The following SCTR variants were observed in gnomAD, a reference collection of about 807,000 sequenced individuals.
The protein encoded by SCTR is pancreatic secretin receptor.
In SCTR, 56 loss-of-function variants were observed where a neutral mutation model predicts 60.8. The observed-to-expected ratio is 0.92, with a 90% CI of 0.74 to 1.15. The LOEUF is 1.15. SCTR is among the 50% of genes most tolerant of loss of function. SCTR has a pLI of 0.00. For missense variants in SCTR, 562 were observed against 550.4 expected (o/e 1.02, Z -0.21); for synonymous variants, 202 against 217.0 (o/e 0.93, Z 0.61).
In SCTR at chr2:119,458,608, A is replaced by C. The variant is rs548599602; in HGVS notation, c.790+3239T>G. Among the ~76,000 whole-genome samples the C allele has an allele frequency of 1.5e-4, 23 of 152,316 alleles. No individual in the cohort carries two copies. The South Asian group carries it at 4.8e-3, about 32-fold the overall frequency. ...AGGGCAAGACTCTCTCTCAAAAAAA[A>C]AAAAAAAGTCTTGCCTCAATTCTTA... On this transcript the variant is annotated intron_variant, in intron 7 of 12. Coordinates refer to ENST00000019103, the MANE Select transcript of SCTR (RefSeq NM_002980.3).
In SCTR at chr2:119,478,843, G is replaced by C; in HGVS notation, c.269C>G (p.Pro90Arg). 6.2e-7 allele frequency: 1 copy of C among 1,614,092 alleles called. No individual in the cohort carries two copies. Among genetic ancestry groups the C allele is most frequent in the South Asian group, 1.1e-5 (1 of 91,066 alleles). Residue 90 changes from proline to arginine, a missense_variant, in exon 3 of 13, where the codon CCG becomes CGG. Coordinates refer to ENST00000019103, the MANE Select transcript of SCTR (RefSeq NM_002980.3). Reference protein sequence around the residue: ...VPGRMVEVECPRFLRMLTSRN... With the variant: ...VPGRMVEVECRRFLRMLTSRN... The stretch of plus-strand genomic sequence containing the variant: ...GCTGGTGAGCATCCGGAGGAATCTC[G>C]GGCATTCCACCTCCACCATCCGGCC...
chr2:119,478,794 A>T lies in SCTR; in HGVS notation c.301+17T>A. ...CCCCTCAGCCTGTCCGCCAGGCCCC[A>T]TGGGCCGAGTGGTTACCATTTCTGC... On this transcript the variant is annotated intron_variant, in intron 3 of 12. Transcript: ENST00000019103. 5 of 1,613,536 alleles carry T rather than the reference A, an allele frequency of 3.1e-6. No homozygotes were observed. Among genetic ancestry groups the T allele is most frequent in the Non-Finnish European group, 4.2e-6 (5 of 1,179,588 alleles).
At chr2:119,475,556 G>A (rs992115057) in intron 3 of SCTR, among the ~76,000 whole-genome samples, 2 of 150,534 alleles carry the variant, frequency 1.3e-5, no homozygotes, top group African/African-American at 4.9e-5. Flanking sequence ...ACTTAACCAG[G>A]CACAGGCCAG....
chr2:119,450,405 G>C (rs755786946), intron 9 of SCTR, among the ~76,000 whole-genome samples: 7 of 152,044 alleles, frequency 4.6e-5, no homozygotes, highest in African/African-American at 7.2e-5. Flanking sequence ...GAATAACAGC[G>C]GGCTTGCTTA....
rs1038306146 is a variant in SCTR, at chr2:119,464,522, G to T, written c.504-267C>A. 3.3e-5 allele frequency among the ~76,000 whole-genome samples: 5 copies of T among 151,970 alleles called. No homozygotes were observed. In the South Asian group the frequency reaches 1.0e-3, roughly 32 times the overall value. On this transcript the variant is annotated intron_variant, in intron 5 of 12. Transcript: ENST00000019103. ...TAATCCCAGTACTTAGGGAGGCCAA[G>T]GCAGGAAGATCACTTGAGGCCATGA... is the stretch of plus-strand genomic sequence containing the variant.
Position 119,462,003 on chromosome 2 carries a change from G to T in SCTR, c.637-3C>A, listed in dbSNP as rs1558846428. 8 of 1,596,464 alleles carry T rather than the reference G, an allele frequency of 5.0e-6. No homozygotes were observed. The highest frequency in any genetic ancestry group is 6.8e-6 in the Non-Finnish European group (8 of 1,170,684). Reference sequence around the variant, plus strand: ...ACCATGACCAGCTTGCAGCCCGCCTGGAGAGAGAGAGGCAGCTGAACCCAG... The same window carrying T: ...ACCATGACCAGCTTGCAGCCCGCCTTGAGAGAGAGAGGCAGCTGAACCCAG... On this transcript the variant is annotated splice_polypyrimidine_tract_variant and splice_region_variant and intron_variant, in intron 6 of 12. Coordinates refer to ENST00000019103, the MANE Select transcript of SCTR (RefSeq NM_002980.3).
intron 4 of SCTR, among the ~76,000 whole-genome samples, chr2:119,470,187 G>A (rs79816643): frequency 0.015 from 2,349 of 152,186 alleles, 71 homozygotes; most frequent in African/African-American, 0.054. Flanking sequence ...ATCTATGTGC[G>A]GTCTTACTGC....
intron 1 of SCTR, among the ~76,000 whole-genome samples, chr2:119,513,250 T>C (rs1178978521): frequency 6.6e-6 from 1 of 152,258 alleles, no homozygotes; most frequent in Non-Finnish European, 1.5e-5. Flanking sequence ...TTTCTGGAAA[T>C]TTCTGCTTCA....
At chr2:119,486,669 G>T (rs771705810) in intron 2 of SCTR, 2 of 152,172 alleles carry the variant, frequency 1.3e-5, no homozygotes, top group Non-Finnish European at 2.9e-5. Context: ...TCCTGTTTCG[G>T]CTCTGTGCGA....
intron 7 of SCTR, among the ~76,000 whole-genome samples, chr2:119,456,702 G>C (rs1173682873): frequency 6.6e-6 from 1 of 152,176 alleles, no homozygotes; most frequent in East Asian, 1.9e-4. Context: ...CAGCACCTCA[G>C]ACTGTAACCT....
At chr2:119,454,700 A>G (rs1289933957) in intron 7 of SCTR, among the ~76,000 whole-genome samples, 1 of 152,108 alleles carries the variant, frequency 6.6e-6, no homozygotes, top group Non-Finnish European at 1.5e-5. Context: ...TTAAAAAAAC[A>G]AAAACTAGCC....
At chr2:119,497,168 C>A (rs561250788) in intron 1 of SCTR, among the ~76,000 whole-genome samples, 8 of 152,270 alleles carry the variant, frequency 5.3e-5, no homozygotes, top group Admixed American at 4.6e-4. Flanking sequence ...ACTGTGGCCA[C>A]CCCCACTGCT....
At chr2:119,516,749 C>G (rs1679129046) in intron 1 of SCTR, among the ~76,000 whole-genome samples, 1 of 152,068 alleles carries the variant, frequency 6.6e-6, no homozygotes, top group African/African-American at 2.4e-5. Context: ...CACCTGAGGT[C>G]GGAAGTTCAA....
Position 119,464,148 on chromosome 2 carries a change from T to A in SCTR, c.611A>T (p.Asp204Val), listed in dbSNP as rs753538411. Residue 204 changes from aspartate (D) to valine (V), a missense_variant, in exon 6 of 13, where the codon GAT becomes GTT. Physicochemically the swap from Asp to Val is radical, Grantham distance 152. Coordinates refer to ENST00000019103, the MANE Select transcript of SCTR (RefSeq NM_002980.3). ...CCTGTGGGCATCGCAGTAGGTGACA[T>A]CATCTGAGGAGAAGAGCACGGCGTC... ...IKDAVLFSSD[D>V]VTYCDAHRAG... 1 of 1,614,120 alleles carries A rather than the reference T, an allele frequency of 6.2e-7. No individual in the cohort carries two copies. Among genetic ancestry groups the A allele is most frequent in the Non-Finnish European group, 8.5e-7 (1 of 1,180,014 alleles).
rs754880856 is a variant in SCTR, at chr2:119,494,580, T to A, written c.73-32A>T. Reference sequence around the variant, plus strand: ...GTCCAAAACCAGGGATGCTCATCATTGCCACTAACTCAATTTTGCCACATG... The same window carrying A: ...GTCCAAAACCAGGGATGCTCATCATAGCCACTAACTCAATTTTGCCACATG... On this transcript the variant is annotated intron_variant, in intron 1 of 12. Transcript: ENST00000019103. 8.7e-6 allele frequency: 14 copies of A among 1,611,558 alleles called. No individual in the cohort carries two copies. The African/African-American group carries it at 1.6e-4, about 18-fold the overall frequency.
At chr2:119,505,047 T>C (rs2104926664) in intron 1 of SCTR, among the ~76,000 whole-genome samples, 1 of 152,052 alleles carries the variant, frequency 6.6e-6, no homozygotes, top group Admixed American at 6.5e-5. Flanking sequence ...CTAGAGAGGA[T>C]GTGGAGAAAT....
intron 1 of SCTR, among the ~76,000 whole-genome samples, chr2:119,514,518 T>C (rs1679051807): frequency 1.3e-5 from 2 of 152,180 alleles, no homozygotes; most frequent in African/African-American, 4.8e-5. Context: ...ATTTTGGAGT[T>C]TAATTTTGGA....
At chr2:119,440,320 C>CA (rs1573772229) in intron 12 of SCTR, 63 bp from the exon 13 acceptor site, 2 of 1,558,422 alleles carry the variant, frequency 1.3e-6, no homozygotes, top group East Asian at 4.5e-5. Context: ...GAGCCCTGCT[C>CA]ACTCCCCCAG....
At chr2:119,490,013 CAGG>C (rs1427812010) in intron 2 of SCTR, among the ~76,000 whole-genome samples, 2 of 152,214 alleles carry the variant, frequency 1.3e-5, no homozygotes, top group Non-Finnish European at 2.9e-5. Context: ...TCCTTGGGGA[CAGG>C]AGGTGGGGGA....
Sources: gnomAD v4.1 joint callset for allele counts (sites outside exome capture counted in the v4.1 genomes callset) on GRCh38, gnomAD v4.1.1 for gene constraint, MANE v1.5 for transcripts, NCBI Gene and HGNC (gene_info 2026-07-23, HGNC 2026-07-21) for gene names.